Variants in EPHA6 observed in about 807,000 individuals in gnomAD.
The protein encoded by EPHA6 is ephrin type-A receptor 6.
Under a neutral mutation model 112.0 loss-of-function variants are expected in EPHA6, and 50 were observed. That is an observed-to-expected ratio of 0.45 (90% CI 0.36 to 0.56). The LOEUF is 0.56. Among genes scored for constraint, EPHA6 ranks in the 20% least tolerant of loss-of-function variants. The pLI, the probability that EPHA6 is intolerant of heterozygous loss-of-function variation, is 0.00. For synonymous variants in EPHA6, 529 were observed against 490.7 expected, an observed-to-expected ratio of 1.08 and a Z score of -1.03; for missense variants, 1,280 against 1,417.4, an observed-to-expected ratio of 0.90 and a Z score of 1.56.
intron 2 of EPHA6, among the ~76,000 whole-genome samples, chr3:96,930,984 T>A (rs146900898): frequency 0.024 from 2,177 of 90,616 alleles, 36 homozygotes; most frequent in Non-Finnish European, 0.032. Context: ...AGAGTGAGAC[T>A]CTGTCTCCAA....
At chr3:97,433,571 A>G (rs1171869301) in intron 6 of EPHA6, among the ~76,000 whole-genome samples, 1 of 152,202 alleles carries the variant, frequency 6.6e-6, no homozygotes, top group African/African-American at 2.4e-5. Flanking sequence ...TTACATTTTA[A>G]AAGGTGACTA....
At chr3:97,602,184 T>C (rs529943344) in intron 12 of EPHA6, among the ~76,000 whole-genome samples, 4 of 152,160 alleles carry the variant, frequency 2.6e-5, no homozygotes, top group East Asian at 3.9e-4. Context: ...AATTTGAGAA[T>C]ATTAATATAA....
intron 10 of EPHA6, among the ~76,000 whole-genome samples, chr3:97,525,981 A>G (rs755945804): frequency 1.1e-4 from 17 of 152,284 alleles, no homozygotes; most frequent in Non-Finnish European, 1.6e-4. Flanking sequence ...TCCTAGCCAT[A>G]CTGTACAAAT....
chr3:96,892,954 A>G (rs5015105), intron 2 of EPHA6, among the ~76,000 whole-genome samples: 7,132 of 132,304 alleles, frequency 0.054, 440 homozygotes, highest in African/African-American at 0.15. Context: ...ATATATATAT[A>G]TGTGTGTGTG....
At chr3:96,878,966 GATT>G (rs1559794795) in intron 2 of EPHA6, among the ~76,000 whole-genome samples, 2 of 151,920 alleles carry the variant, frequency 1.3e-5, no homozygotes, top group Non-Finnish European at 2.9e-5. Flanking sequence ...TGAATAAATT[GATT>G]ATTATTTTGA....
chr3:97,124,359 T>C (rs2048122319), intron 3 of EPHA6, among the ~76,000 whole-genome samples: 1 of 151,626 alleles, frequency 6.6e-6, no homozygotes, highest in Non-Finnish European at 1.5e-5. Context: ...GATATTTGAG[T>C]ATTTTATTAA....
At chr3:97,620,298 C>CTTTT (rs965869533) in intron 13 of EPHA6, among the ~76,000 whole-genome samples, 2 of 151,882 alleles carry the variant, frequency 1.3e-5, no homozygotes, top group Non-Finnish European at 2.9e-5. Flanking sequence ...AGTGTAAAAC[C>CTTTT]TAAAAATATA....
chr3:96,981,352 T>G (rs1175296784), intron 2 of EPHA6, among the ~76,000 whole-genome samples: 1 of 152,204 alleles, frequency 6.6e-6, no homozygotes, highest in Non-Finnish European at 1.5e-5. Context: ...TGGATTTCAT[T>G]TATTGATTTG....
chr3:97,700,317 C>T (rs1056707508), intron 14 of EPHA6, among the ~76,000 whole-genome samples: 8 of 152,158 alleles, frequency 5.3e-5, no homozygotes, highest in South Asian at 2.1e-4. Flanking sequence ...AATTCCCCCG[C>T]GCTTCCAAGT....
At chr3:96,886,914 G>C (rs2037658371) in intron 2 of EPHA6, among the ~76,000 whole-genome samples, 1 of 152,112 alleles carries the variant, frequency 6.6e-6, no homozygotes, top group Non-Finnish European at 1.5e-5. Context: ...TTCTAAAAGT[G>C]TGTCCAAAGT....
At chr3:97,318,232 C>T (rs1315730833) in intron 5 of EPHA6, among the ~76,000 whole-genome samples, 2 of 151,848 alleles carry the variant, frequency 1.3e-5, no homozygotes, top group Non-Finnish European at 2.9e-5. Flanking sequence ...GGACATGTGA[C>T]CTGGAATTGG....
At chr3:97,011,159 C>A (rs528662907) in intron 3 of EPHA6, among the ~76,000 whole-genome samples, 5 of 152,082 alleles carry the variant, frequency 3.3e-5, no homozygotes, top group Non-Finnish European at 7.4e-5. Context: ...AGACTCAAGT[C>A]TGAAAAATCC....
At chr3:97,680,049 TC>T (rs1412182866) in intron 14 of EPHA6, among the ~76,000 whole-genome samples, 2 of 152,216 alleles carry the variant, frequency 1.3e-5, no homozygotes, top group African/African-American at 4.8e-5. Flanking sequence ...ATTACAGGGC[TC>T]CCAAAGTACT....
At chr3:97,161,917 C>T (rs2076424937) in intron 3 of EPHA6, among the ~76,000 whole-genome samples, 1 of 152,176 alleles carries the variant, frequency 6.6e-6, no homozygotes, top group Non-Finnish European at 1.5e-5. Flanking sequence ...GATGATGTAT[C>T]TCTGCAGTAG....
At chr3:97,374,910 G>A (rs2085262818) in intron 5 of EPHA6, among the ~76,000 whole-genome samples, 1 of 151,952 alleles carries the variant, frequency 6.6e-6, no homozygotes, top group African/African-American at 2.4e-5. Context: ...TTCTGGTTGG[G>A]GTTTGAAGAA....
At chr3:97,039,600 T>G (rs1325443991) in intron 3 of EPHA6, among the ~76,000 whole-genome samples, 1 of 152,096 alleles carries the variant, frequency 6.6e-6, no homozygotes, top group Non-Finnish European at 1.5e-5. Flanking sequence ...GTAGTTTTGT[T>G]TTATTTTTAA....
In EPHA6 at chr3:97,475,356, T is replaced by C. The variant is rs1366846851; in HGVS notation, c.1899T>C (p.Ser633=). Residue 633 remains serine (S), a synonymous_variant, in exon 8 of 18, where the codon TCT becomes TCC. Transcript: ENST00000389672. The part of the protein sequence containing the change: ...KFEFETGDET[S]DMAAEQGQIL... ...AATATTGTATCTCTGTTTCAGCTTC[T>C]GACATGGCAGCAGAACAAGGACAGA... 1 of 1,608,820 alleles carries C rather than the reference T, an allele frequency of 6.2e-7. No individual in the cohort carries two copies. The highest frequency in any genetic ancestry group is 1.3e-5 in the African/African-American group (1 of 74,684).
intron 15 of EPHA6, among the ~76,000 whole-genome samples, chr3:97,730,964 G>A (rs1264713658): frequency 3.9e-5 from 6 of 152,222 alleles, no homozygotes. Flanking sequence ...CAGGCACATG[G>A]TGAGCCATTG....
intron 10 of EPHA6, among the ~76,000 whole-genome samples, chr3:97,502,519 T>A (rs1423347863): frequency 6.6e-6 from 1 of 151,908 alleles, no homozygotes; most frequent in African/African-American, 2.4e-5. Flanking sequence ...TTTAGTGGCC[T>A]TCCCAGAATA....
Sources: allele counts gnomAD v4.1 joint callset (sites outside exome capture counted in the v4.1 genomes callset), GRCh38; gene constraint gnomAD v4.1.1; transcripts MANE v1.5; gene names NCBI Gene and HGNC (gene_info 2026-07-23, HGNC 2026-07-21).